Variants in DNAH3 observed in about 807,000 individuals in gnomAD.
DNAH3 encodes dynein axonemal heavy chain 3, also known as axonemal beta dynein heavy chain 3.
DNAH3 carries 332 observed loss-of-function variants against 432.5 expected under a neutral mutation model. The ratio of observed to expected loss-of-function variants is 0.77; its 90% CI spans 0.70 to 0.84. The LOEUF is 0.84. DNAH3 is among the 40% of genes least tolerant of loss of function. The probability of loss-of-function intolerance (pLI) is 0.00; values close to 1 mark genes in which losing one functional copy is unlikely to be tolerated. For missense variants in DNAH3, 4,861 were observed against 5,114.0 expected (o/e 0.95, Z 1.51); for synonymous variants, 1,956 against 1,900.2 (o/e 1.03, Z -0.76).
chr16:21,073,358 C>A (rs1440184614), intron 21 of DNAH3, among the ~76,000 whole-genome samples: 1 of 152,130 alleles, frequency 6.6e-6, no homozygotes, highest in Non-Finnish European at 1.5e-5. Context: ...AGCTTATACT[C>A]CTCTTGTCAC....
rs1380235682 is a variant in DNAH3 at position 21,136,390 on chromosome 16, G to A, written c.820C>T (p.Pro274Ser). Residue 274 changes from proline (P) to serine (S), a missense_variant, in exon 6 of 62, where the codon CCC becomes TCC. Transcript: ENST00000261383. ...TCCTGCACGAGGACCACCATCAGGG[G>A]CTCCAGGAAGGGACTCGTCAGCAGC... The A allele has an allele frequency of 3.7e-6, 6 of 1,613,898 alleles. No homozygotes were observed. In the East Asian group the frequency reaches 1.1e-4, roughly 30 times the overall value.
At chr16:20,985,406 G>A (rs2086142223) in exon 48 of DNAH3, 3 of 1,614,198 alleles carry the variant, frequency 1.9e-6, no homozygotes, top group Admixed American at 3.3e-5. Context: ...AATGTGGACA[G>A]TTTGGCGGCA....
At chr16:21,049,467 C>T (rs2089861200) in intron 31 of DNAH3, 102 bp downstream of exon 31, 2 of 849,098 alleles carry the variant, frequency 2.4e-6, no homozygotes, top group Non-Finnish European at 1.9e-6. Flanking sequence ...CTTGTGTCTG[C>T]CATACAAGAG....
chr16:20,943,406 T>C (rs548544886), intron 58 of DNAH3, among the ~76,000 whole-genome samples: 1 of 152,170 alleles, frequency 6.6e-6, no homozygotes, highest in Admixed American at 6.5e-5. Flanking sequence ...AATTTTTTTG[T>C]AGTGATGCGG....
intron 44 of DNAH3, among the ~76,000 whole-genome samples, chr16:20,992,163 A>G (rs928033752): frequency 6.6e-6 from 1 of 152,016 alleles, no homozygotes; most frequent in African/African-American, 2.4e-5. Context: ...ATTAAAATAT[A>G]TTTAGATAAA....
exon 43 of DNAH3, chr16:21,000,430 A>G (rs1039091699): frequency 6.2e-7 from 1 of 1,614,012 alleles, no homozygotes; most frequent in African/African-American, 1.3e-5. Flanking sequence ...GGGACCCACG[A>G]ACAGCATTGG....
chr16:20,936,922 G>T, intron 59 of DNAH3, 69 bp from the exon 60 acceptor site: 1 of 1,256,796 alleles, frequency 8.0e-7, no homozygotes, highest in South Asian at 1.3e-5. Flanking sequence ...TCCACTGACT[G>T]CTGTCCCCTT....
intron 44 of DNAH3, among the ~76,000 whole-genome samples, chr16:20,994,259 G>A (rs1458087549): frequency 2.6e-5 from 4 of 151,880 alleles, no homozygotes; most frequent in African/African-American, 7.3e-5. Context: ...ATGAAACCCC[G>A]TCTCTACTAA....
chr16:21,098,913 C>G (rs1597373755), intron 16 of DNAH3, 144 bp from the exon 17 acceptor site: 2 of 782,196 alleles, frequency 2.6e-6, no homozygotes, highest in Non-Finnish European at 2.0e-6. Flanking sequence ...CCAACTCCAT[C>G]TTTCTCTCTC....
chr16:21,060,504 TTC>T (rs961267655), intron 25 of DNAH3, 148 bp from the exon 26 acceptor site: 3 of 532,020 alleles, frequency 5.6e-6, no homozygotes, highest in Non-Finnish European at 9.7e-6. Context: ...TGTCTCCCCG[TTC>T]TTTTTTTCTT....
chr16:21,145,381 G>A (rs1414420629), exon 3 of DNAH3: 13 of 1,614,034 alleles, frequency 8.1e-6, no homozygotes, highest in South Asian at 3.3e-5. Flanking sequence ...CATCAAGGGC[G>A]GGTAAAAGCT....
At chr16:21,100,499 G>A (rs2091809975) in intron 16 of DNAH3, among the ~76,000 whole-genome samples, 1 of 152,192 alleles carries the variant, frequency 6.6e-6, no homozygotes, top group African/African-American at 2.4e-5. Context: ...TTAAAATGGT[G>A]AACATCCACT....
intron 49 of DNAH3, among the ~76,000 whole-genome samples, chr16:20,980,254 CAT>C (rs1263331695): frequency 1.1e-4 from 13 of 121,010 alleles, no homozygotes; most frequent in African/African-American, 2.6e-4. Flanking sequence ...TAATATACAT[CAT>C]ATATTATATT....
intron 1 of DNAH3, among the ~76,000 whole-genome samples, chr16:21,156,722 T>C (rs2092899928): frequency 6.6e-6 from 1 of 152,142 alleles, no homozygotes; most frequent in Admixed American, 6.5e-5. Flanking sequence ...AACCACTGCA[T>C]GTTCCTTGAG....
At chr16:20,991,131 CAA>C (rs1265125313) in intron 44 of DNAH3, among the ~76,000 whole-genome samples, 1 of 152,176 alleles carries the variant, frequency 6.6e-6, no homozygotes, top group Non-Finnish European at 1.5e-5. Context: ...TTTCTTCCTC[CAA>C]AAGTTATCAC....
intron 39 of DNAH3, among the ~76,000 whole-genome samples, chr16:21,024,246 A>G (rs901079164): frequency 6.6e-6 from 1 of 152,172 alleles, no homozygotes; most frequent in Non-Finnish European, 1.5e-5. Flanking sequence ...CCATCTCTAG[A>G]GAAACTTCTA....
chr16:21,036,720 A>G, exon 35 of DNAH3: 1 of 1,613,974 alleles, frequency 6.2e-7, no homozygotes, highest in Non-Finnish European at 8.5e-7. Context: ...CAACCTGGAT[A>G]ATTTTCCCTA....
chr16:21,153,768 G>T (rs7184448), intron 1 of DNAH3, among the ~76,000 whole-genome samples: 1 of 152,084 alleles, frequency 6.6e-6, no homozygotes, highest in Non-Finnish European at 1.5e-5. Flanking sequence ...AACACTCACC[G>T]CGAGGGCCCA....
chr16:21,110,027 G>A (rs898191737), intron 14 of DNAH3, among the ~76,000 whole-genome samples: 4 of 152,028 alleles, frequency 2.6e-5, no homozygotes, highest in Non-Finnish European at 4.4e-5. Context: ...TCTCATGTTG[G>A]GACTATAGAC....
Sources: allele counts gnomAD v4.1 joint callset (sites outside exome capture counted in the v4.1 genomes callset), GRCh38; gene constraint gnomAD v4.1.1; transcripts MANE v1.5; gene names NCBI Gene and HGNC (gene_info 2026-07-23, HGNC 2026-07-21).